The following SPAG16 variants were observed in gnomAD, a reference collection of about 807,000 sequenced individuals.
SPAG16 encodes the protein sperm associated antigen 16.
In SPAG16, 86 loss-of-function variants were observed where a neutral mutation model predicts 80.4. The ratio of observed to expected loss-of-function variants is 1.07; its 90% CI spans 0.90 to 1.28. The LOEUF (loss-of-function observed/expected upper bound fraction) is 1.28. SPAG16 is among the 50% of genes most tolerant of loss of function. The pLI is 0.00. For missense variants in SPAG16, 870 were observed against 765.3 expected, an observed-to-expected ratio of 1.14 and a Z score of -1.61; for synonymous variants, 294 against 265.9, an observed-to-expected ratio of 1.11 and a Z score of -1.03.
At chr2:213,761,884 CAAAAA>C (rs75203652) in intron 10 of SPAG16, among the ~76,000 whole-genome samples, 72,449 of 150,982 alleles carry the variant, frequency 0.48, 18,137 homozygotes, top group Non-Finnish European at 0.56. Context: ...AAAATAAAAA[CAAAAA>C]AACAAAACAA....
chr2:214,233,435 T>A (rs542418888), intron 15 of SPAG16, among the ~76,000 whole-genome samples: 29 of 152,032 alleles, frequency 1.9e-4, no homozygotes, highest in South Asian at 1.0e-3. Flanking sequence ...AGGGAATAAT[T>A]AAAATCAATA....
chr2:214,068,454 G>T (rs1325537618), intron 13 of SPAG16, among the ~76,000 whole-genome samples: 1 of 152,064 alleles, frequency 6.6e-6, no homozygotes, highest in African/African-American at 2.4e-5. Context: ...CAGTAACCAT[G>T]GTTCCCACAT....
chr2:214,132,341 C>G (rs938250550), intron 14 of SPAG16, among the ~76,000 whole-genome samples: 1 of 152,078 alleles, frequency 6.6e-6, no homozygotes, highest in African/African-American at 2.4e-5. Flanking sequence ...GATTTTTAAT[C>G]TAAAATGTCC....
intron 15 of SPAG16, chr2:214,239,926 T>A (rs1689347295): frequency 6.6e-6 from 1 of 151,758 alleles, no homozygotes; most frequent in Non-Finnish European, 1.5e-5. Context: ...TGAAAAAAAA[T>A]GACCAAGAAA....
At chr2:213,897,317 A>AC (rs1459652053) in intron 11 of SPAG16, among the ~76,000 whole-genome samples, 4 of 152,112 alleles carry the variant, frequency 2.6e-5, no homozygotes, top group Non-Finnish European at 5.9e-5. Flanking sequence ...GAATATCAAT[A>AC]CCCCTTCAAC....
chr2:214,149,188 G>T lies in SPAG16; in HGVS notation c.1642G>T (p.Asp548Tyr). 1 of 1,597,704 alleles carries T rather than the reference G, an allele frequency of 6.3e-7. No homozygotes were observed. Among genetic ancestry groups the T allele is most frequent in the South Asian group, 1.1e-5 (1 of 89,964 alleles). The change falls in exon 15 of 16, where the codon GAC (aspartate) becomes TAC (tyrosine). Residue 548 changes from aspartate to tyrosine, a missense_variant. Physicochemically the swap from Asp to Tyr is radical, Grantham distance 160. Transcript: ENST00000331683. The stretch of plus-strand genomic sequence containing the variant: ...TGCCTGTGGGGTTACAAAGCTGTGG[G>T]ACTTTCGGAAGCTGTTACCAATTGT... ...CDACGVTKLW[D>Y]FRKLLPIVSI... is the part of the protein sequence containing the mutation.
chr2:214,311,078 C>G (rs1273487350), intron 15 of SPAG16, among the ~76,000 whole-genome samples: 1 of 152,150 alleles, frequency 6.6e-6, no homozygotes, highest in Non-Finnish European at 1.5e-5. Flanking sequence ...GTGGGAGATC[C>G]ATTTCTGGCC....
intron 5 of SPAG16, among the ~76,000 whole-genome samples, chr2:213,338,240 C>A (rs2064484566): frequency 6.6e-6 from 1 of 152,160 alleles, no homozygotes; most frequent in Admixed American, 6.5e-5. Flanking sequence ...AGGGAAAAAC[C>A]ATTACCAGCC....
chr2:213,738,164 C>T (rs2067379769), intron 10 of SPAG16, among the ~76,000 whole-genome samples: 1 of 152,124 alleles, frequency 6.6e-6, no homozygotes, highest in Non-Finnish European at 1.5e-5. Flanking sequence ...ATTCTCAAAT[C>T]TCATTATTGA....
chr2:213,715,867 G>A (rs2066218867), intron 10 of SPAG16, among the ~76,000 whole-genome samples: 1 of 152,066 alleles, frequency 6.6e-6, no homozygotes, highest in African/African-American at 2.4e-5. Context: ...TTGTCATGAT[G>A]CAAGTGAGGA....
intron 10 of SPAG16, among the ~76,000 whole-genome samples, chr2:213,852,007 A>G (rs1160991149): frequency 6.6e-6 from 1 of 152,240 alleles, no homozygotes; most frequent in Non-Finnish European, 1.5e-5. Flanking sequence ...TGTCTTCTGA[A>G]AATGAATAAG....
At chr2:213,415,590 A>C (rs1315055139) in intron 9 of SPAG16, among the ~76,000 whole-genome samples, 1 of 152,218 alleles carries the variant, frequency 6.6e-6, no homozygotes, top group East Asian at 1.9e-4. Context: ...GCAAATCTTC[A>C]TGGTTGATTA....
intron 15 of SPAG16, among the ~76,000 whole-genome samples, chr2:214,266,376 A>G (rs1397213586): frequency 6.6e-6 from 1 of 151,900 alleles, no homozygotes; most frequent in Non-Finnish European, 1.5e-5. Flanking sequence ...TCCCTTATCT[A>G]TTGCCAATAG....
intron 10 of SPAG16, among the ~76,000 whole-genome samples, chr2:213,812,944 A>G (rs988474824): frequency 2.0e-5 from 3 of 152,198 alleles, no homozygotes; most frequent in African/African-American, 7.2e-5. Flanking sequence ...GGATTTTTAA[A>G]AGATTAAGAA....
At chr2:214,174,877 A>G (rs1204512800) in intron 15 of SPAG16, among the ~76,000 whole-genome samples, 2 of 151,664 alleles carry the variant, frequency 1.3e-5, no homozygotes, top group Non-Finnish European at 3.0e-5. Flanking sequence ...GCCCTCAATA[A>G]ATAACCACTT....
At chr2:214,376,237 T>A (rs1700122502) in intron 15 of SPAG16, among the ~76,000 whole-genome samples, 1 of 152,156 alleles carries the variant, frequency 6.6e-6, no homozygotes, top group African/African-American at 2.4e-5. Flanking sequence ...ATTTAACTTA[T>A]TAGTATACCT....
intron 9 of SPAG16, among the ~76,000 whole-genome samples, chr2:213,424,402 G>A (rs1248539572): frequency 3.3e-5 from 5 of 152,034 alleles, no homozygotes; most frequent in Admixed American, 2.6e-4. Context: ...TTTTAAACCC[G>A]ACTTTATGAA....
At chr2:214,161,573 A>G (rs2056439915) in intron 15 of SPAG16, among the ~76,000 whole-genome samples, 1 of 152,044 alleles carries the variant, frequency 6.6e-6, no homozygotes, top group Non-Finnish European at 1.5e-5. Context: ...GCTTTTTCTC[A>G]CATGTTTGTT....
At chr2:214,214,912 C>G (rs1394668026) in intron 15 of SPAG16, among the ~76,000 whole-genome samples, 2 of 151,118 alleles carry the variant, frequency 1.3e-5, no homozygotes, top group African/African-American at 4.9e-5. Context: ...GCAACCTGTG[C>G]AGTTGAGGGT....
Sources: gnomAD v4.1 joint callset for allele counts (sites outside exome capture counted in the v4.1 genomes callset) on GRCh38, gnomAD v4.1.1 for gene constraint, MANE v1.5 for transcripts, NCBI Gene and HGNC (gene_info 2026-07-23, HGNC 2026-07-21) for gene names.